The following RCOR1 variants were observed in gnomAD, a reference collection of about 807,000 sequenced individuals.
RCOR1 encodes REST corepressor 1.
RCOR1 carries 12 observed loss-of-function variants against 64.0 expected under a neutral mutation model. The observed-to-expected ratio is 0.19, with a 90% confidence interval of 0.12 to 0.30. RCOR1 has a LOEUF of 0.30. Ranked by LOEUF, RCOR1 falls within the 10% of genes least tolerant of loss-of-function variation. The pLI, the probability that RCOR1 is intolerant of heterozygous loss-of-function variation, is 1.00. For synonymous variants in RCOR1, 279 were observed against 227.2 expected, an observed-to-expected ratio of 1.23 and a Z score of -2.05; for missense variants, 502 against 621.2, an observed-to-expected ratio of 0.81 and a Z score of 2.04.
At chr14:102,644,085 G>T (rs1894429186) in intron 2 of RCOR1, among the ~76,000 whole-genome samples, 1 of 152,234 alleles carries the variant, frequency 6.6e-6, no homozygotes, top group Non-Finnish European at 1.5e-5. Flanking sequence ...GACTTAAGTT[G>T]TGTTCACATG....
intron 2 of RCOR1, among the ~76,000 whole-genome samples, chr14:102,641,528 A>G (rs1010445101): frequency 1.3e-5 from 2 of 152,072 alleles, no homozygotes; most frequent in East Asian, 1.9e-4. Context: ...TGTGCCCAGG[A>G]GGTTGAGGCT....
chr14:102,614,003 C>A (rs1454268968), intron 2 of RCOR1, among the ~76,000 whole-genome samples: 1 of 143,454 alleles, frequency 7.0e-6, no homozygotes, highest in Non-Finnish European at 1.5e-5. Context: ...TTAAGGGATT[C>A]GCCTGCCTCA....
chr14:102,721,563 A>T (rs183417970), intron 10 of RCOR1, 186 bp downstream of exon 10: 6,970 of 332,600 alleles, frequency 0.021, 70 homozygotes, highest in Middle Eastern at 0.033. Context: ...AAAAAAAAAA[A>T]TTTTTTTTTT....
At chr14:102,699,303 A>G (rs1895708250) in intron 3 of RCOR1, among the ~76,000 whole-genome samples, 1 of 152,218 alleles carries the variant, frequency 6.6e-6, no homozygotes, top group African/African-American at 2.4e-5. Flanking sequence ...TGAAGTAACC[A>G]GTTTGTAACT....
chr14:102,596,014 A>G (rs1893234804), intron 2 of RCOR1, among the ~76,000 whole-genome samples: 1 of 151,932 alleles, frequency 6.6e-6, no homozygotes, highest in African/African-American at 2.4e-5. Flanking sequence ...AGACTTTACT[A>G]TTTCCTAGTG....
At chr14:102,635,931 T>C (rs922915465) in intron 2 of RCOR1, among the ~76,000 whole-genome samples, 2 of 152,042 alleles carry the variant, frequency 1.3e-5, no homozygotes, top group Non-Finnish European at 2.9e-5. Context: ...GTGAGAAACA[T>C]AAAAGTTTCT....
chr14:102,710,844 T>G (rs1353777557), intron 6 of RCOR1, 91 bp from the exon 7 acceptor site: 2 of 833,196 alleles, frequency 2.4e-6, no homozygotes, highest in Admixed American at 5.0e-5. Context: ...TTGGTAAAAT[T>G]AGTACAAAAT....
At chr14:102,690,367 A>G (rs553213401) in intron 3 of RCOR1, among the ~76,000 whole-genome samples, 7 of 152,244 alleles carry the variant, frequency 4.6e-5, no homozygotes, top group South Asian at 2.1e-4. Flanking sequence ...TAGCTTTTCA[A>G]TTCATTGTAA....
intron 2 of RCOR1, among the ~76,000 whole-genome samples, chr14:102,633,651 T>C (rs1257949151): frequency 6.6e-6 from 1 of 152,176 alleles, no homozygotes; most frequent in African/African-American, 2.4e-5. Flanking sequence ...GCGATTCTCC[T>C]GTCTCAGCCT....
At chr14:102,649,541 G>A (rs1456589424) in intron 2 of RCOR1, among the ~76,000 whole-genome samples, 1 of 152,204 alleles carries the variant, frequency 6.6e-6, no homozygotes, top group African/African-American at 2.4e-5. Context: ...ACTAGGATTA[G>A]GAAGCAAGTG....
At chr14:102,660,686 A>G (rs911947141) in intron 2 of RCOR1, among the ~76,000 whole-genome samples, 1 of 152,186 alleles carries the variant, frequency 6.6e-6, no homozygotes, top group South Asian at 2.1e-4. Flanking sequence ...TTTTTAATCT[A>G]TTCTAAATCA....
intron 2 of RCOR1, chr14:102,662,345 G>A (rs891765940): frequency 6.0e-5 from 34 of 566,980 alleles, no homozygotes; most frequent in South Asian, 3.3e-4. Context: ...TGTTGACCGG[G>A]CCACATCAAT....
intron 11 of RCOR1, among the ~76,000 whole-genome samples, chr14:102,726,068 C>T (rs1367222722): frequency 6.6e-6 from 1 of 152,100 alleles, no homozygotes; most frequent in Non-Finnish European, 1.5e-5. Context: ...GGGGCCCACA[C>T]ATGTAATCCC....
chr14:102,643,060 A>G (rs1007518024), intron 2 of RCOR1, among the ~76,000 whole-genome samples: 3 of 152,200 alleles, frequency 2.0e-5, no homozygotes, highest in Non-Finnish European at 4.4e-5. Context: ...AGGCGGGCAG[A>G]TCACGAGGTC....
Position 102,726,766 on chromosome 14 carries a change from T to C in RCOR1, c.*260T>C, listed in dbSNP as rs531579152. ...GGAAGTCTCACGGCCTGCACATCTC[T>C]TGTGACTCTGGGAACCGCCTCTCCC... On this transcript the variant is annotated 3_prime_UTR_variant, in exon 12 of 12. Transcript: ENST00000262241. 1.1e-5 allele frequency: 5 copies of C among 466,324 alleles called. No homozygotes were observed. The highest frequency in any genetic ancestry group is 1.9e-5 in the Non-Finnish European group (5 of 266,948). The allele number at this position is 466,324 out of a possible 1,614,324, so 28.9% of individuals were successfully genotyped here.
intron 11 of RCOR1, among the ~76,000 whole-genome samples, chr14:102,723,376 G>A (rs904700011): frequency 3.3e-5 from 5 of 152,206 alleles, no homozygotes; most frequent in East Asian, 3.8e-4. Flanking sequence ...CCCTGGGAGC[G>A]TGGTGCCGCC....
rs192288513 is a variant in RCOR1 at position 102,651,970 on chromosome 14, C to G, written c.362-29925C>G. On this transcript the variant is annotated intron_variant, in intron 2 of 11. Coordinates refer to ENST00000262241, the MANE Select transcript of RCOR1 (RefSeq NM_015156.4). ...GGCTTCATAAATAAAAGGGAACTTACACTGGAGGATCTTTATGCTGAATTG... is the reference window on the plus strand; with the variant it reads ...GGCTTCATAAATAAAAGGGAACTTAGACTGGAGGATCTTTATGCTGAATTG... Among the ~76,000 whole-genome samples the G allele has an allele frequency of 1.8e-3, 273 of 152,310 alleles. 3 individuals carry two copies. Among genetic ancestry groups the G allele is most frequent in the African/African-American group, 6.4e-3 (266 of 41,570 alleles).
intron 4 of RCOR1, among the ~76,000 whole-genome samples, chr14:102,703,717 G>T (rs1377631340): frequency 6.6e-6 from 1 of 152,166 alleles, no homozygotes; most frequent in Non-Finnish European, 1.5e-5. Context: ...TAATCCCATG[G>T]TCTATAAATT....
chr14:102,688,783 T>A (rs1895471845), intron 3 of RCOR1, among the ~76,000 whole-genome samples: 1 of 152,172 alleles, frequency 6.6e-6, no homozygotes, highest in African/African-American at 2.4e-5. Context: ...AGGCACTCCG[T>A]TGCTGTGATA....
Sources: allele counts gnomAD v4.1 joint callset (sites outside exome capture counted in the v4.1 genomes callset), GRCh38; gene constraint gnomAD v4.1.1; transcripts MANE v1.5; gene names NCBI Gene and HGNC (gene_info 2026-07-23, HGNC 2026-07-21).